ITGA11: variants seen among roughly 807,000 people sequenced by gnomAD.
The protein encoded by ITGA11 is integrin alpha-11.
ITGA11 carries 97 observed loss-of-function variants against 141.9 expected under a neutral mutation model. That is an observed-to-expected ratio of 0.68 (90% CI 0.58 to 0.81). The LOEUF (loss-of-function observed/expected upper bound fraction) is 0.81. ITGA11 is among the 30% of genes least tolerant of loss of function. The pLI is 0.00. For missense variants in ITGA11, 1,387 were observed against 1,559.2 expected (o/e 0.89, Z 1.86); for synonymous variants, 658 against 624.6 (o/e 1.05, Z -0.80).
At chr15:68,369,385 A>AGG in intron 2 of ITGA11, 101 bp from the exon 3 acceptor site, 1 of 27,074 alleles carries the variant, frequency 3.7e-5, no homozygotes, top group Non-Finnish European at 7.9e-5. Context: ...TTGGGTGGGG[A>AGG]GGGTGGGAGG....
In ITGA11 at chr15:68,303,924, T is replaced by A; in HGVS notation, c.3382-39A>T. 1 of 1,365,644 alleles carries A rather than the reference T, an allele frequency of 7.3e-7. No individual in the cohort carries two copies. The highest frequency in any genetic ancestry group is 1.0e-6 in the Non-Finnish European group (1 of 958,132). The allele number at this position is 1,365,644 out of a possible 1,614,324, so 84.6% of individuals were successfully genotyped here. A position where few individuals can be genotyped will look rare whatever the true frequency, so the allele number is the denominator to read the frequency against. On this transcript the variant is annotated intron_variant, in intron 28 of 29. Coordinates refer to ENST00000315757, the MANE Select transcript of ITGA11 (RefSeq NM_001004439.2). The surrounding 1 kb of genome is among the most constrained non-coding windows in gnomAD (Gnocchi z 5.3). The stretch of plus-strand genomic sequence containing the variant: ...GGGGCCGGGCCAACAGCATTACTCT[T>A]CTGGGGCTGGGGTGGCAGTCTGGGA...
chr15:68,408,581 A>G (rs1300722256), intron 1 of ITGA11, among the ~76,000 whole-genome samples: 2 of 152,100 alleles, frequency 1.3e-5, no homozygotes, highest in African/African-American at 4.8e-5. Flanking sequence ...CCCTGCAAGC[A>G]GATGCCATGG....
At position 68,320,191 on chromosome 15, in the gene ITGA11, G is replaced by T; in HGVS notation, c.2610C>A (p.Ile870=). 6.2e-7 allele frequency: 1 copy of T among 1,613,902 alleles called. No individual in the cohort carries two copies. The highest frequency in any genetic ancestry group is 8.5e-7 in the Non-Finnish European group (1 of 1,179,848). The change falls in exon 20 of 30, where the codon ATC becomes ATA. Residue 870 remains isoleucine, a synonymous_variant. Coordinates refer to ENST00000315757, the MANE Select transcript of ITGA11 (RefSeq NM_001004439.2). ...CAGGTCGCTGAGGTCTTACCTTCTGGATCAAGCTGGCAAACTGCAGGTTTG... is the reference window on the plus strand; with the variant it reads ...CAGGTCGCTGAGGTCTTACCTTCTGTATCAAGCTGGCAAACTGCAGGTTTG... ...QSANLQFASL[I]QKEDSDGSIE...
chr15:68,358,400 C>T lies in ITGA11; in HGVS notation c.600+58G>A, dbSNP rs567712751. ...GATCTCTCTTAGACCTAAGGCAGCA[C>T]CTGCCATGGGTTTGGGTGGCCCTGT... On this transcript the variant is annotated intron_variant, in intron 6 of 29. Transcript: ENST00000315757. 3.1e-5 allele frequency: 48 copies of T among 1,531,918 alleles called. No homozygotes were observed. The East Asian group carries it at 9.7e-4, about 31-fold the overall frequency. The allele number at this position is 1,531,918 out of a possible 1,614,324, so 94.9% of individuals were successfully genotyped here. A position where few individuals can be genotyped will look rare whatever the true frequency, so the allele number is the denominator to read the frequency against.
At chr15:68,418,832 G>A (rs2140433863) in intron 1 of ITGA11, among the ~76,000 whole-genome samples, 1 of 151,656 alleles carries the variant, frequency 6.6e-6, no homozygotes, top group Non-Finnish European at 1.5e-5. Flanking sequence ...TGCTTGTCAT[G>A]GGTGTGTGGA....
chr15:68,399,354 T>C (rs1238911164), intron 2 of ITGA11, among the ~76,000 whole-genome samples: 1 of 152,050 alleles, frequency 6.6e-6, no homozygotes, highest in African/African-American at 2.4e-5. Context: ...GAAAAGGAAA[T>C]GCTTATACAC....
chr15:68,418,202 C>T (rs1036064420), intron 1 of ITGA11, among the ~76,000 whole-genome samples: 5 of 152,228 alleles, frequency 3.3e-5, no homozygotes, highest in African/African-American at 1.2e-4. Flanking sequence ...CCACTTTATC[C>T]TTAGCATCTA....
At position 68,332,445 on chromosome 15, in the gene ITGA11, C is replaced by G; in HGVS notation, c.1459G>C (p.Val487Leu). 1 of 1,612,256 alleles carries G rather than the reference C, an allele frequency of 6.2e-7. No individual in the cohort carries two copies. Reference sequence around the variant, plus strand: ...GTCACGCCGTCGCCGTCGATGTCCACCGAGGTGATTTCACTCCCAAAGTAA... The same window carrying G: ...GTCACGCCGTCGCCGTCGATGTCCAGCGAGGTGATTTCACTCCCAAAGTAA... ...GSYFGSEITS[V>L]DIDGDGVTDV... is the part of the protein sequence containing the mutation. Residue 487 changes from valine (V) to leucine (L), a missense_variant, in exon 13 of 30, where the codon GTG becomes CTG. By Grantham distance (32) the Val-to-Leu change is conservative. Coordinates refer to ENST00000315757, the MANE Select transcript of ITGA11 (RefSeq NM_001004439.2).
chr15:68,317,690 T>C (rs964807284), intron 20 of ITGA11, among the ~76,000 whole-genome samples: 1 of 152,180 alleles, frequency 6.6e-6, no homozygotes, highest in Non-Finnish European at 1.5e-5. Context: ...CTAGTTGTTA[T>C]GAGGATTACA....
intron 1 of ITGA11, among the ~76,000 whole-genome samples, chr15:68,408,485 G>T (rs186590374): frequency 2.5e-4 from 38 of 152,266 alleles, no homozygotes; most frequent in African/African-American, 9.1e-4. Context: ...TAGCACAGGG[G>T]ATGAGTGGAG....
intron 5 of ITGA11, among the ~76,000 whole-genome samples, chr15:68,360,018 C>T (rs921675390): frequency 2.0e-5 from 3 of 152,024 alleles, no homozygotes; most frequent in South Asian, 2.1e-4. Context: ...TGAGTTGGGA[C>T]GCCTGTTGCA....
chr15:68,351,267 A>G lies in ITGA11; in HGVS notation c.885T>C (p.Tyr295=), dbSNP rs369368987. The G allele has an allele frequency of 3.1e-6, 5 of 1,613,852 alleles. No homozygotes were observed. The highest frequency in any genetic ancestry group is 3.3e-5 in the Admixed American group (2 of 60,008). Residue 295 remains tyrosine (Y), a synonymous_variant, in exon 8 of 30, where the codon TAT becomes TAC. Coordinates refer to ENST00000315757, the MANE Select transcript of ITGA11 (RefSeq NM_001004439.2). The part of the protein sequence containing the change: ...QQSERDNVTR[Y]AVAVLGYYNR... ...GCGGGCCAGGACTTACGGCCACCGC[A>G]TATCTTGTTACGTTGTCTCTTTCGC...
chr15:68,423,497 G>T (rs1030861008), intron 1 of ITGA11, among the ~76,000 whole-genome samples: 3 of 152,194 alleles, frequency 2.0e-5, no homozygotes, highest in Non-Finnish European at 4.4e-5. Flanking sequence ...TGCTGTTGGC[G>T]TGTGCAGGTG....
intron 2 of ITGA11, among the ~76,000 whole-genome samples, chr15:68,374,428 T>A (rs1895675582): frequency 6.6e-6 from 1 of 152,228 alleles, no homozygotes; most frequent in Non-Finnish European, 1.5e-5. Flanking sequence ...CAGCCTCAAA[T>A]GTGGGATCCA....
At position 68,431,942 on chromosome 15, in the gene ITGA11, C is replaced by T. The variant is rs1595905350; in HGVS notation, c.52+73G>A. On this transcript the variant is annotated intron_variant, in intron 1 of 29. Coordinates refer to ENST00000315757, the MANE Select transcript of ITGA11 (RefSeq NM_001004439.2). ...GAGGAGGGTCGCGTCCCGATCCTGGCCGCTGGATCCAAGCCCCGAGGGCCC... is the reference window on the plus strand; with the variant it reads ...GAGGAGGGTCGCGTCCCGATCCTGGTCGCTGGATCCAAGCCCCGAGGGCCC... 19 of 1,095,852 alleles carry T rather than the reference C, an allele frequency of 1.7e-5. No individual in the cohort carries two copies. The East Asian group carries it at 4.8e-4, about 28-fold the overall frequency. The allele number at this position is 1,095,852 out of a possible 1,614,324, so 67.9% of individuals were successfully genotyped here.
chr15:68,321,012 T>C lies in ITGA11; in HGVS notation c.2408+406A>G, dbSNP rs890088529. Among the ~76,000 whole-genome samples, 1 of 152,144 alleles carries C rather than the reference T, an allele frequency of 6.6e-6. No homozygotes were observed. The highest frequency in any genetic ancestry group is 1.5e-5 in the Non-Finnish European group (1 of 68,016). On this transcript the variant is annotated intron_variant, in intron 19 of 29. Transcript: ENST00000315757. The surrounding 1 kb of genome is among the most constrained non-coding windows in gnomAD (Gnocchi z 4.9). ...ACCCTCGGCTGGTGTCCCTGGCATC[T>C]TTCCATCAGAAGGATTGGAAAGCCC...
intron 10 of ITGA11, among the ~76,000 whole-genome samples, chr15:68,340,092 C>A (rs1894512026): frequency 6.6e-6 from 1 of 152,088 alleles, no homozygotes; most frequent in Admixed American, 6.6e-5. Context: ...GTAAATCCTA[C>A]TCCTTGGTTT....
chr15:68,358,576 G>A lies in ITGA11; in HGVS notation c.482C>T (p.Thr161Ile). 1 of 1,611,628 alleles carries A rather than the reference G, an allele frequency of 6.2e-7. No homozygotes were observed. Among genetic ancestry groups the A allele is most frequent in the Non-Finnish European group, 8.5e-7 (1 of 1,179,200 alleles). Residue 161 changes from threonine to isoleucine, a missense_variant, in exon 6 of 30, where the codon ACC becomes ATC. Thr to Ile is a moderately conservative substitution (Grantham distance 89). Transcript: ENST00000315757. ...CAGGACAATGACGATGTCCATGTAG[G>A]TCTGGCACCCTGGAAAGTGGGGACA... ...TVAPALQRCQ[T>I]YMDIVIVLDG...
At chr15:68,368,069 C>T (rs144237710) in intron 3 of ITGA11, among the ~76,000 whole-genome samples, 4 of 152,340 alleles carry the variant, frequency 2.6e-5, no homozygotes, top group African/African-American at 7.2e-5. Context: ...ATGTGACAGA[C>T]AGCTGGCTGC....
Sources: allele counts gnomAD v4.1 joint callset (sites outside exome capture counted in the v4.1 genomes callset), GRCh38; gene constraint gnomAD v4.1.1; non-coding constraint Gnocchi (gnomAD v3.1); transcripts MANE v1.5; gene names NCBI Gene and HGNC (gene_info 2026-07-23, HGNC 2026-07-21).